Variants in CYP4B1 observed in about 807,000 individuals in gnomAD.
The protein encoded by CYP4B1 is cytochrome P450 family 4 subfamily B member 1.
CYP4B1 carries 45 observed loss-of-function variants against 54.0 expected under a neutral mutation model. The ratio of observed to expected loss-of-function variants is 0.83; its 90% CI spans 0.66 to 1.07. The LOEUF (loss-of-function observed/expected upper bound fraction) is 1.07, where lower values mean the gene tolerates loss of function less well. CYP4B1 is among the 50% of genes least tolerant of loss of function. CYP4B1 has a pLI of 0.00. For missense variants in CYP4B1, 656 were observed against 655.4 expected (o/e 1.00, Z -0.01); for synonymous variants, 248 against 247.5 (o/e 1.00, Z -0.02).
At chr1:46,817,358 T>C in intron 9 of CYP4B1, 177 bp downstream of exon 9, 1 of 670,560 alleles carries the variant, frequency 1.5e-6, no homozygotes, top group Non-Finnish European at 2.5e-6. Context: ...CCTCTGAGCC[T>C]CCATTTCCCC....
Position 46,799,196 on chromosome 1 carries a change from T to C in CYP4B1, c.115T>C (p.Leu39=), listed in dbSNP as rs756979595. The change falls in exon 1 of 12, where the codon TTG becomes CTG. Residue 39 remains leucine (L), a synonymous_variant. Transcript: ENST00000371923. Reference sequence around the variant, plus strand: ...CCACCTGCTGCTGCGGAGGCAGACGTTGGCTAAGGCTATGGACAAATTCCC... The same window carrying C: ...CCACCTGCTGCTGCGGAGGCAGACGCTGGCTAAGGCTATGGACAAATTCCC... ...LIHLLLRRQT[L]AKAMDKFPGP... The C allele has an allele frequency of 1.2e-6, 2 of 1,609,722 alleles. No homozygotes were observed. The highest frequency in any genetic ancestry group is 1.7e-6 in the Non-Finnish European group (2 of 1,178,180).
intron 1 of CYP4B1, among the ~76,000 whole-genome samples, chr1:46,800,246 C>CTTCT (rs1557484796): frequency 7.0e-4 from 27 of 38,760 alleles, no homozygotes; most frequent in African/African-American, 2.1e-3. Context: ...TCTTTCCTTC[C>CTTCT]TTCCTTCCTT....
rs759989754 is a variant in CYP4B1 at position 46,818,855 on chromosome 1, C to T, written c.*41C>T. 32 of 1,598,430 alleles carry T rather than the reference C, an allele frequency of 2.0e-5. No individual in the cohort carries two copies. ...GGTCCCAGATGGCTCAGGCTGTGAC[C>T]TCCCTGGGCACCACCCTCCCCAGGC... is the stretch of plus-strand genomic sequence containing the variant. On this transcript the variant is annotated 3_prime_UTR_variant, in exon 12 of 12. Coordinates refer to ENST00000371923, the MANE Select transcript of CYP4B1 (RefSeq NM_001099772.2).
chr1:46,813,406 AG>A (rs777845656), intron 4 of CYP4B1, 75 bp from the exon 5 acceptor site: 299 of 1,591,812 alleles, frequency 1.9e-4, no homozygotes, highest in African/African-American at 2.7e-4. Flanking sequence ...CGGGTCCTGG[AG>A]GGCAGCTTGG....
In CYP4B1 at chr1:46,818,865, A is replaced by C; in HGVS notation, c.*51A>C. ...GGCTCAGGCTGTGACCTCCCTGGGCACCACCCTCCCCAGGCTGGGTGTGGA... is the reference window on the plus strand; with the variant it reads ...GGCTCAGGCTGTGACCTCCCTGGGCCCCACCCTCCCCAGGCTGGGTGTGGA... On this transcript the variant is annotated 3_prime_UTR_variant, in exon 12 of 12. Transcript: ENST00000371923. 1 of 1,583,342 alleles carries C rather than the reference A, an allele frequency of 6.3e-7. No individual in the cohort carries two copies. Among genetic ancestry groups the C allele is most frequent in the Non-Finnish European group, 8.6e-7 (1 of 1,157,578 alleles).
At position 46,813,593 on chromosome 1, in the gene CYP4B1, G is replaced by C. The variant is rs528993032; in HGVS notation, c.607G>C (p.Gly203Arg). ...MKCTFGRGDT[G>R]LGHSRDSSYY... ...GTGCACCTTTGGAAGAGGAGACACC[G>C]GCCTGGGCCACAGGTCAGGAGCCAC... The change falls in exon 5 of 12, where the codon GGC (glycine) becomes CGC (arginine). Residue 203 changes from glycine (G) to arginine (R), a missense_variant. Transcript: ENST00000371923. 8 of 1,613,904 alleles carry C rather than the reference G, an allele frequency of 5.0e-6. No individual in the cohort carries two copies. The highest frequency in any genetic ancestry group is 6.8e-6 in the Non-Finnish European group (8 of 1,180,042).
intron 3 of CYP4B1, 126 bp from the exon 4 acceptor site, chr1:46,812,370 C>A: frequency 9.1e-7 from 1 of 1,093,894 alleles, no homozygotes; most frequent in Non-Finnish European, 1.3e-6. Context: ...GAGGGCAATA[C>A]TGGGTCGCTT....
chr1:46,801,216 A>G (rs2148393918), intron 1 of CYP4B1, among the ~76,000 whole-genome samples: 1 of 152,266 alleles, frequency 6.6e-6, no homozygotes, highest in East Asian at 1.9e-4. Flanking sequence ...GGCTTGGGAG[A>G]GGCTTTGCTA....
Position 46,819,357 on chromosome 1 carries a change from G to A in CYP4B1, c.*543G>A, listed in dbSNP as rs1050538178. 1 of 152,532 alleles carries A rather than the reference G, an allele frequency of 6.6e-6. No homozygotes were observed. Among genetic ancestry groups the A allele is most frequent in the African/African-American group, 2.4e-5 (1 of 41,462 alleles). The allele number at this position is 152,532 out of a possible 1,614,324, so 9.4% of individuals were successfully genotyped here. A position where few individuals can be genotyped will look rare whatever the true frequency, so the allele number is the denominator to read the frequency against. On this transcript the variant is annotated 3_prime_UTR_variant, in exon 12 of 12. Coordinates refer to ENST00000371923, the MANE Select transcript of CYP4B1 (RefSeq NM_001099772.2). ...AAATAATTCTGAAGCAGACTCTCTT[G>A]TAACCATCACTGAAGTCAAGAAATA...
At chr1:46,815,348 C>A in intron 8 of CYP4B1, 84 bp downstream of exon 8, 2 of 1,295,570 alleles carry the variant, frequency 1.5e-6, no homozygotes, top group Non-Finnish European at 2.1e-6. Flanking sequence ...TCCTGGAAAT[C>A]AGGTGAGGTG....
chr1:46,810,837 G>T lies in CYP4B1; in HGVS notation c.210G>T (p.Val70=). Residue 70 remains valine (V), a synonymous_variant, in exon 2 of 12, where the codon GTG becomes GTT. Coordinates refer to ENST00000371923, the MANE Select transcript of CYP4B1 (RefSeq NM_001099772.2). ...EIQETGSLDK[V]VSWAHQFPYA... is the part of the protein sequence containing the mutation. ...AGGAGACGGGGAGCCTGGACAAAGT[G>T]GTGTCCTGGGCCCACCAGTTCCCGT... 1 of 1,614,144 alleles carries T rather than the reference G, an allele frequency of 6.2e-7. No individual in the cohort carries two copies. Among genetic ancestry groups the T allele is most frequent in the Non-Finnish European group, 8.5e-7 (1 of 1,180,014 alleles).
intron 7 of CYP4B1, 97 bp from the exon 8 acceptor site, chr1:46,814,977 C>T: frequency 9.0e-7 from 1 of 1,105,972 alleles, no homozygotes; most frequent in Non-Finnish European, 1.3e-6. Flanking sequence ...CTTTCACTCC[C>T]TCCCAGAGAC....
chr1:46,815,293 C>T, intron 8 of CYP4B1, 29 bp downstream of exon 8: 3 of 1,515,324 alleles, frequency 2.0e-6, no homozygotes, highest in Non-Finnish European at 2.7e-6. Context: ...CCGGTTTATC[C>T]TGCTCAGCCC....
At chr1:46,812,716 C>T in intron 4 of CYP4B1, 93 bp downstream of exon 4, 4 of 1,437,550 alleles carry the variant, frequency 2.8e-6, no homozygotes, top group Non-Finnish European at 3.8e-6. Flanking sequence ...AGGTGGTGCT[C>T]TGCAGTAAGG....
At chr1:46,814,994 T>C (rs1023987595) in intron 7 of CYP4B1, 80 bp from the exon 8 acceptor site, 22 of 1,330,004 alleles carry the variant, frequency 1.7e-5, no homozygotes, top group African/African-American at 4.3e-5. Flanking sequence ...AGACCTTCAT[T>C]TGACAACCAC....
In CYP4B1 at chr1:46,814,233, C is replaced by A. The variant is rs767645233; in HGVS notation, c.800C>A (p.Ala267Glu). The change falls in exon 7 of 12, where the codon GCA (alanine) becomes GAA (glutamate). Residue 267 changes from alanine to glutamate, a missense_variant. Ala to Glu is a moderately radical substitution (Grantham distance 107, BLOSUM62 -1). Transcript: ENST00000371923. ...HTDQVIRERK[A>E]ALQDEKVRKK... is the part of the protein sequence containing the mutation. ...GACCAGGTCATCAGGGAGCGGAAGG[C>A]AGCCCTGCAGGATGAGAAGGTGCGG... 9 of 1,614,152 alleles carry A rather than the reference C, an allele frequency of 5.6e-6. No homozygotes were observed. The highest frequency in any genetic ancestry group is 5.1e-6 in the Non-Finnish European group (6 of 1,180,024).
intron 1 of CYP4B1, among the ~76,000 whole-genome samples, chr1:46,803,995 CG>C (rs1678760728): frequency 6.6e-6 from 1 of 151,982 alleles, no homozygotes; most frequent in Non-Finnish European, 1.5e-5. Flanking sequence ...CAGAGAGTTC[CG>C]GGGGTTGATT....
intron 1 of CYP4B1, among the ~76,000 whole-genome samples, chr1:46,799,614 A>T (rs1678530134): frequency 6.6e-6 from 1 of 152,242 alleles, no homozygotes. Flanking sequence ...AGAAGTAGGC[A>T]ATCCATTGAA....
chr1:46,816,811 CCTT>C (rs1323425012), intron 8 of CYP4B1, among the ~76,000 whole-genome samples: 7 of 152,064 alleles, frequency 4.6e-5, no homozygotes, highest in African/African-American at 1.2e-4. Flanking sequence ...GGGTCCTGTG[CCTT>C]CTTCTCCTAC....
Sources: allele counts gnomAD v4.1 joint callset (sites outside exome capture counted in the v4.1 genomes callset), GRCh38; gene constraint gnomAD v4.1.1; transcripts MANE v1.5; gene names NCBI Gene and HGNC (gene_info 2026-07-23, HGNC 2026-07-21).